Variants in CDH10 observed in about 807,000 individuals in gnomAD.
CDH10 encodes the protein cadherin 10.
A neutral mutation model predicts 73.1 loss-of-function variants in CDH10; 30 were observed. That is an observed-to-expected ratio of 0.41 (90% confidence interval 0.31 to 0.56). CDH10 has a LOEUF of 0.56. CDH10 is among the 20% of genes least tolerant of loss of function. CDH10 has a pLI of 0.27. For missense variants in CDH10, 815 were observed against 973.7 expected (o/e 0.84, Z 2.17); for synonymous variants, 345 against 348.2 (o/e 0.99, Z 0.10).
At chr5:24,516,284 A>G (rs1006777509) in intron 5 of CDH10, among the ~76,000 whole-genome samples, 6 of 152,136 alleles carry the variant, frequency 3.9e-5, no homozygotes, top group African/African-American at 7.2e-5. Context: ...TTTTAAGTCA[A>G]TTAGGTGTTT....
intron 2 of CDH10, among the ~76,000 whole-genome samples, chr5:24,538,548 CA>C (rs1404605749): frequency 2.0e-5 from 3 of 152,064 alleles, no homozygotes; most frequent in Non-Finnish European, 4.4e-5. Context: ...GTGCAAATGC[CA>C]GTCCAGGAGT....
chr5:24,603,774 T>C (rs771105587), intron 1 of CDH10, among the ~76,000 whole-genome samples: 3 of 151,992 alleles, frequency 2.0e-5, no homozygotes, highest in Non-Finnish European at 4.4e-5. Flanking sequence ...GTAGATAAGA[T>C]ACCTACTTTT....
chr5:24,545,029 T>A (rs375298393), intron 2 of CDH10, among the ~76,000 whole-genome samples: 19 of 152,316 alleles, frequency 1.2e-4, no homozygotes, highest in African/African-American at 4.6e-4. Context: ...ACCCTCCTTC[T>A]AAGTTCTTAA....
Position 24,626,982 on chromosome 5 carries a change from G to C in CDH10, c.-124+17612C>G, listed in dbSNP as rs141404890. ...CAATTTCTAAAAAATTAAGTACAGT[G>C]AAAAACAATCCTCTAGATGCAGACA... is the stretch of plus-strand genomic sequence containing the variant. On this transcript the variant is annotated intron_variant, in intron 1 of 11. Coordinates refer to ENST00000264463, the MANE Select transcript of CDH10 (RefSeq NM_006727.5). 2.0e-3 allele frequency among the ~76,000 whole-genome samples: 310 copies of C among 151,364 alleles called. 16 individuals carry two copies. In the East Asian group the frequency reaches 0.057, roughly 28 times the overall value.
At chr5:24,494,139 T>C (rs1329668148) in intron 9 of CDH10, among the ~76,000 whole-genome samples, 3 of 151,774 alleles carry the variant, frequency 2.0e-5, no homozygotes, top group Non-Finnish European at 2.9e-5. Flanking sequence ...AAACTTTGAA[T>C]TATTTCAAAA....
In CDH10 at chr5:24,499,867, T is replaced by C. The variant is rs533880152; in HGVS notation, c.1394-1348A>G. 5.6e-4 allele frequency among the ~76,000 whole-genome samples: 86 copies of C among 152,336 alleles called. No individual in the cohort carries two copies. The South Asian group carries it at 7.5e-3, about 13-fold the overall frequency. ...GCTGAGAGTATGTTTACATTTTAAATTCAGTTTACATTCATCAGATTTTAT... is the reference window on the plus strand; with the variant it reads ...GCTGAGAGTATGTTTACATTTTAAACTCAGTTTACATTCATCAGATTTTAT... On this transcript the variant is annotated intron_variant, in intron 8 of 11. Transcript: ENST00000264463.
chr5:24,595,645 A>G (rs1483669769), intron 1 of CDH10, among the ~76,000 whole-genome samples: 1 of 151,858 alleles, frequency 6.6e-6, no homozygotes, highest in African/African-American at 2.4e-5. Flanking sequence ...CCAGAAATGT[A>G]CTCTATTCCC....
chr5:24,609,172 G>A lies in CDH10; in HGVS notation c.-123-15559C>T, dbSNP rs114461126. ...GGAGAATTCCCATCCCACTGGGAAGGGGGAAACCATTACGGATTCTGAAGA... is the reference window on the plus strand; with the variant it reads ...GGAGAATTCCCATCCCACTGGGAAGAGGGAAACCATTACGGATTCTGAAGA... On this transcript the variant is annotated intron_variant, in intron 1 of 11. Coordinates refer to ENST00000264463, the MANE Select transcript of CDH10 (RefSeq NM_006727.5). Among the ~76,000 whole-genome samples, 1,261 of 152,286 alleles carry A rather than the reference G, an allele frequency of 8.3e-3. 11 individuals carry two copies. The highest frequency in any genetic ancestry group is 0.029 in the African/African-American group (1,217 of 41,562).
At chr5:24,504,515 T>G (rs1313783865) in intron 8 of CDH10, among the ~76,000 whole-genome samples, 705 of 27,900 alleles carry the variant, frequency 0.025, 173 homozygotes, top group African/African-American at 0.056. Flanking sequence ...TCTTTTTTTT[T>G]TTTTTTTTTT....
intron 2 of CDH10, among the ~76,000 whole-genome samples, chr5:24,557,173 C>T (rs1744796543): frequency 1.4e-5 from 2 of 140,592 alleles, no homozygotes; most frequent in South Asian, 4.8e-4. Flanking sequence ...AAACAAAGAT[C>T]AGAATAGAAT....
intron 2 of CDH10, among the ~76,000 whole-genome samples, chr5:24,563,254 T>A (rs975980231): frequency 1.3e-5 from 2 of 152,076 alleles, no homozygotes; most frequent in Admixed American, 6.6e-5. Context: ...GTTTGATGTT[T>A]CCTCATGTTT....
rs535311474 is a variant in CDH10, at chr5:24,593,458, T to C, written c.33A>G (p.Leu11=). 3 of 1,607,282 alleles carry C rather than the reference T, an allele frequency of 1.9e-6. No individual in the cohort carries two copies. The highest frequency in any genetic ancestry group is 4.5e-5 in the East Asian group (2 of 44,790). Residue 11 remains leucine (L), a synonymous_variant, in exon 2 of 12, where the codon CTA becomes CTG. Coordinates refer to ENST00000264463, the MANE Select transcript of CDH10 (RefSeq NM_006727.5). ...AGAAATGTGGCAGGCATACCCAGAA[T>C]AGAAACAGTAGCAAAAATTGATGTA... MTIHQFLLLF[L]FWVCLPHFCS...
chr5:24,520,853 A>T (rs530439039), intron 5 of CDH10, among the ~76,000 whole-genome samples: 59 of 152,024 alleles, frequency 3.9e-4, no homozygotes, highest in Non-Finnish European at 6.3e-4. Context: ...CAGTCTCCCA[A>T]ATAGCTGGGA....
chr5:24,549,297 G>A (rs1453646578), intron 2 of CDH10, among the ~76,000 whole-genome samples: 1 of 152,054 alleles, frequency 6.6e-6, no homozygotes, highest in Non-Finnish European at 1.5e-5. Context: ...ATTCCAAGAG[G>A]AAATAGGTAA....
chr5:24,489,033 G>A (rs1357989677), intron 11 of CDH10, among the ~76,000 whole-genome samples: 1 of 151,906 alleles, frequency 6.6e-6, no homozygotes, highest in African/African-American at 2.4e-5. Flanking sequence ...TTGCATTAGA[G>A]TTTCTCACCC....
chr5:24,571,741 C>A (rs1308579238), intron 2 of CDH10, among the ~76,000 whole-genome samples: 1 of 151,994 alleles, frequency 6.6e-6, no homozygotes, highest in African/African-American at 2.4e-5. Context: ...AATGAGCTGG[C>A]AAATCTTTAA....
At chr5:24,559,952 A>G (rs1463398397) in intron 2 of CDH10, among the ~76,000 whole-genome samples, 6 of 152,000 alleles carry the variant, frequency 3.9e-5, no homozygotes, top group Admixed American at 3.9e-4. Flanking sequence ...TTAAAGTGTG[A>G]CTTTATACTA....
intron 1 of CDH10, among the ~76,000 whole-genome samples, chr5:24,639,199 A>G (rs940616229): frequency 6.6e-6 from 1 of 151,670 alleles, no homozygotes; most frequent in African/African-American, 2.4e-5. Context: ...TTTAAATTTG[A>G]AGTTCGCTTC....
chr5:24,488,201 TA>T, intron 11 of CDH10, 48 bp from the exon 12 acceptor site: 1 of 1,452,822 alleles, frequency 6.9e-7, no homozygotes, highest in Non-Finnish European at 9.3e-7. Flanking sequence ...CAAAACACTA[TA>T]AATAACGAGT....
Sources: gnomAD v4.1 joint callset for allele counts (sites outside exome capture counted in the v4.1 genomes callset) on GRCh38, gnomAD v4.1.1 for gene constraint, MANE v1.5 for transcripts, NCBI Gene and HGNC (gene_info 2026-07-23, HGNC 2026-07-21) for gene names.